ZNF267: variants seen among roughly 807,000 people sequenced by gnomAD.
ZNF267 encodes the protein zinc finger (C2H2).
A neutral mutation model predicts 71.6 loss-of-function variants in ZNF267; 61 were observed. That is an observed-to-expected ratio of 0.85 (90% CI 0.69 to 1.05). The LOEUF (loss-of-function observed/expected upper bound fraction) is 1.05. Ranked by LOEUF, ZNF267 falls within the 50% of genes least tolerant of loss-of-function variation. The pLI is 0.00. For missense variants in ZNF267, 852 were observed against 870.0 expected, an observed-to-expected ratio of 0.98 and a Z score of 0.26; for synonymous variants, 288 against 293.2, an observed-to-expected ratio of 0.98 and a Z score of 0.18.
Position 31,884,584 on chromosome 16 carries a change from G to A in ZNF267, c.90G>A (p.Gln30=). 1 of 1,614,120 alleles carries A rather than the reference G, an allele frequency of 6.2e-7. No homozygotes were observed. The highest frequency in any genetic ancestry group is 8.5e-7 in the Non-Finnish European group (1 of 1,179,990). ...AACCAGCTCAGAAGAATTTGTATCA[G>A]GATGTGATGTTAGAAAACTACAGAA... ...HLEPAQKNLY[Q]DVMLENYRNL... The change falls in exon 2 of 4, where the codon CAG becomes CAA. Residue 30 remains glutamine, a synonymous_variant. Coordinates refer to ENST00000300870, the MANE Select transcript of ZNF267 (RefSeq NM_003414.6).
At chr16:31,908,717 G>A (rs1418064523) in intron 3 of ZNF267, among the ~76,000 whole-genome samples, 2 of 151,854 alleles carry the variant, frequency 1.3e-5, no homozygotes, top group African/African-American at 2.4e-5. Context: ...TGTTAAAAAC[G>A]AGTCCACTCA....
At position 31,873,826 on chromosome 16, in the gene ZNF267, T is replaced by C. The variant is rs374380106; in HGVS notation, c.-141T>C. 2.1e-5 allele frequency: 25 copies of C among 1,218,940 alleles called. No homozygotes were observed. Among genetic ancestry groups the C allele is most frequent in the South Asian group, 1.7e-4 (14 of 80,132 alleles). 75.5% of individuals were successfully genotyped at this position (1,218,940 alleles called of 1,614,324 possible). A position where few individuals can be genotyped will look rare whatever the true frequency, so the allele number is the denominator to read the frequency against. ...GGCTCCAGTTAGAGCTCGGGTCTCC[T>C]CGCCACAGCTCCGAGTCTTTCGTTC... On this transcript the variant is annotated 5_prime_UTR_variant, in exon 1 of 4. Transcript: ENST00000300870.
At chr16:31,908,572 G>T in intron 3 of ZNF267, among the ~76,000 whole-genome samples, 1 of 152,050 alleles carries the variant, frequency 6.6e-6, no homozygotes, top group Non-Finnish European at 1.5e-5. Flanking sequence ...TGATTTTTGT[G>T]TATGGTGAGA....
intron 3 of ZNF267, among the ~76,000 whole-genome samples, chr16:31,901,418 C>T (rs938971873): frequency 7.2e-5 from 11 of 152,222 alleles, no homozygotes; most frequent in African/African-American, 2.7e-4. Context: ...GTCCCACCAA[C>T]AGTGTAAAAG....
chr16:31,890,421 A>G (rs895220305), intron 3 of ZNF267, among the ~76,000 whole-genome samples: 1 of 152,154 alleles, frequency 6.6e-6, no homozygotes, highest in Non-Finnish European at 1.5e-5. Context: ...ATAACCAACA[A>G]CCACTCCTGA....
At chr16:31,905,199 C>G (rs2084078309) in intron 3 of ZNF267, among the ~76,000 whole-genome samples, 1 of 152,200 alleles carries the variant, frequency 6.6e-6, no homozygotes, top group Admixed American at 6.5e-5. Context: ...CCTGACCTTT[C>G]TCTCTGGCTG....
At position 31,914,406 on chromosome 16, in the gene ZNF267, A is replaced by G. The variant is rs551178075; in HGVS notation, c.227-70A>G. ...TATTCTCAACTTAGCATAATTTTGT[A>G]TATTAGATTTGTAAAATATATGTAC... is the stretch of plus-strand genomic sequence containing the variant. On this transcript the variant is annotated intron_variant, in intron 3 of 3. Coordinates refer to ENST00000300870, the MANE Select transcript of ZNF267 (RefSeq NM_003414.6). 1.5e-4 allele frequency: 202 copies of G among 1,337,966 alleles called. No homozygotes were observed. The African/African-American group carries it at 2.5e-3, about 17-fold the overall frequency. 82.9% of individuals were successfully genotyped at this position (1,337,966 alleles called of 1,614,324 possible).
intron 3 of ZNF267, chr16:31,913,561 T>A (rs976395651): frequency 3.3e-5 from 5 of 152,226 alleles, no homozygotes; most frequent in Admixed American, 3.3e-4. Context: ...TGGCCCCAGG[T>A]AGGTTCAGAG....
intron 3 of ZNF267, among the ~76,000 whole-genome samples, chr16:31,907,353 C>CT (rs1233730225): frequency 2.6e-5 from 4 of 152,070 alleles, no homozygotes; most frequent in Non-Finnish European, 5.9e-5. Context: ...TTACTAGGCT[C>CT]TTTTTTCCTT....
chr16:31,880,939 A>G (rs992172353), intron 1 of ZNF267, among the ~76,000 whole-genome samples: 3 of 152,190 alleles, frequency 2.0e-5, no homozygotes, highest in African/African-American at 7.2e-5. Flanking sequence ...ATTCAACATC[A>G]TGTGGTCAGG....
chr16:31,884,730 G>A (rs1022712598), intron 2 of ZNF267, 106 bp downstream of exon 2: 3 of 1,219,200 alleles, frequency 2.5e-6, no homozygotes, highest in African/African-American at 1.6e-5. Flanking sequence ...TTAGATTCTT[G>A]TTTTCAGGAA....
chr16:31,880,936 A>G (rs2083885503), intron 1 of ZNF267, among the ~76,000 whole-genome samples: 1 of 152,226 alleles, frequency 6.6e-6, no homozygotes, highest in Non-Finnish European at 1.5e-5. Flanking sequence ...TGAATTCAAC[A>G]TCATGTGGTC....
chr16:31,915,548 G>T lies in ZNF267; in HGVS notation c.1299G>T (p.Glu433Asp). 6.2e-7 allele frequency: 1 copy of T among 1,612,928 alleles called. No homozygotes were observed. Among genetic ancestry groups the T allele is most frequent in the South Asian group, 1.1e-5 (1 of 90,942 alleles). The change falls in exon 4 of 4, where the codon GAG (glutamate) becomes GAT (aspartate). Residue 433 changes from glutamate (E) to aspartate (D), a missense_variant. Transcript: ENST00000300870. ...AACATAAGCGAATTCATACTGGAGA[G>T]AAACCTTATAAATGTAAAGAATGTG... is the stretch of plus-strand genomic sequence containing the variant. Reference protein sequence around the residue: ...LTKHKRIHTGEKPYKCKECGK... With the variant: ...LTKHKRIHTGDKPYKCKECGK...
At chr16:31,914,428 G>T in intron 3 of ZNF267, 48 bp from the exon 4 acceptor site, 1 of 1,451,822 alleles carries the variant, frequency 6.9e-7, no homozygotes, top group Non-Finnish European at 9.2e-7. Context: ...TAAAATATAT[G>T]TACCTGAATA....
At chr16:31,900,941 C>T (rs1027268927) in intron 3 of ZNF267, among the ~76,000 whole-genome samples, 3 of 152,084 alleles carry the variant, frequency 2.0e-5, no homozygotes, top group South Asian at 2.1e-4. Flanking sequence ...CTAATGCTAT[C>T]CCTCTCCTCT....
intron 3 of ZNF267, among the ~76,000 whole-genome samples, chr16:31,902,448 T>C (rs2084049826): frequency 2.0e-5 from 3 of 152,234 alleles, no homozygotes; most frequent in Admixed American, 2.0e-4. Flanking sequence ...CTTCCATTTG[T>C]TTGTATACTC....
chr16:31,888,851 T>C (rs1266292192), intron 3 of ZNF267, among the ~76,000 whole-genome samples: 1 of 152,100 alleles, frequency 6.6e-6, no homozygotes, highest in Non-Finnish European at 1.5e-5. Context: ...GCTTTTTTCT[T>C]TCAGTTTTTT....
intron 3 of ZNF267, among the ~76,000 whole-genome samples, chr16:31,906,288 C>T (rs916419996): frequency 1.3e-5 from 2 of 152,222 alleles, no homozygotes; most frequent in African/African-American, 4.8e-5. Flanking sequence ...GGGAGAACCA[C>T]TACTCTCTTC....
At chr16:31,874,430 C>T (rs1474240092) in intron 1 of ZNF267, among the ~76,000 whole-genome samples, 1 of 152,120 alleles carries the variant, frequency 6.6e-6, no homozygotes, top group Non-Finnish European at 1.5e-5. Flanking sequence ...AGCCTGCAGT[C>T]CTGGTTTGTG....
Sources: gnomAD v4.1 joint callset for allele counts (sites outside exome capture counted in the v4.1 genomes callset) on GRCh38, gnomAD v4.1.1 for gene constraint, MANE v1.5 for transcripts, NCBI Gene and HGNC (gene_info 2026-07-23, HGNC 2026-07-21) for gene names.